The following NUP37 variants were observed in gnomAD, a reference collection of about 807,000 sequenced individuals.
The protein encoded by NUP37 is nucleoporin 37, also known as nucleoporin Nup37.
NUP37 carries 33 observed loss-of-function variants against 45.4 expected under a neutral mutation model. The ratio of observed to expected loss-of-function variants is 0.73; its 90% CI spans 0.55 to 0.97. The LOEUF is 0.97. NUP37 is among the 50% of genes least tolerant of loss of function. The pLI is 0.00. For missense variants in NUP37, 365 were observed against 389.7 expected (o/e 0.94, Z 0.53); for synonymous variants, 127 against 130.7 (o/e 0.97, Z 0.19).
At chr12:102,105,361 C>CA (rs796171528) in intron 3 of NUP37, among the ~76,000 whole-genome samples, 2,959 of 141,472 alleles carry the variant, frequency 0.021, 37 homozygotes, top group African/African-American at 0.026. Context: ...CCCATCTCTA[C>CA]AAAAAAAAAA....
chr12:102,085,836 A>C lies in NUP37; in HGVS notation c.470T>G (p.Val157Gly). 1 of 1,589,286 alleles carries C rather than the reference A, an allele frequency of 6.3e-7. No individual in the cohort carries two copies. The highest frequency in any genetic ancestry group is 8.6e-7 in the Non-Finnish European group (1 of 1,159,354). Residue 157 changes from valine to glycine, a missense_variant, in exon 6 of 10, where the codon GTG (valine) becomes GGG (glycine). Transcript: ENST00000552283. ...HTCRIWNLEG[V>G]QTAHFVLHSP... The stretch of plus-strand genomic sequence containing the variant: ...ATGAAGAACAAAATGAGCTGTTTGC[A>C]CTCCTTCCAAGTTCCAAATCCTAAT...
rs1361107281 is a variant in NUP37 at position 102,077,521 on chromosome 12, A to G, written c.541-18T>C. On this transcript the variant is annotated intron_variant, in intron 6 of 9. Transcript: ENST00000552283. ...ACCATTAGCTGTAAGACAGAAAAAT[A>G]AAAAGAAACTCAATCACTTATCTCA... 3.1e-6 allele frequency: 5 copies of G among 1,599,600 alleles called. No homozygotes were observed. The highest frequency in any genetic ancestry group is 2.7e-5 in the African/African-American group (2 of 74,264).
rs546775665 is a variant in NUP37 at position 102,089,921 on chromosome 12, A to G, written c.450-4065T>C. The stretch of plus-strand genomic sequence containing the variant: ...AGAATGCTGCTGTAAGCCGTCTTGC[A>G]TATGTCTTTTAGTGAATATAGATAC... On this transcript the variant is annotated intron_variant, in intron 5 of 9. Coordinates refer to ENST00000552283, the MANE Select transcript of NUP37 (RefSeq NM_024057.4). 3.3e-5 allele frequency among the ~76,000 whole-genome samples: 5 copies of G among 152,248 alleles called. No homozygotes were observed. The South Asian group carries it at 6.2e-4, about 19-fold the overall frequency.
chr12:102,078,711 T>C (rs1196672323), intron 6 of NUP37, among the ~76,000 whole-genome samples: 1 of 152,204 alleles, frequency 6.6e-6, no homozygotes, highest in Non-Finnish European at 1.5e-5. Flanking sequence ...GTGGGTAAAG[T>C]ACCTCAATGT....
chr12:102,111,593 T>C (rs2136753801), intron 3 of NUP37, among the ~76,000 whole-genome samples: 1 of 152,336 alleles, frequency 6.6e-6, no homozygotes, highest in East Asian at 1.9e-4. Context: ...TAACATATTC[T>C]TGCCCCTGTA....
chr12:102,076,826 A>C lies in NUP37; in HGVS notation c.744T>G (p.Pro248=). 6.2e-7 allele frequency: 1 copy of C among 1,613,352 alleles called. No individual in the cohort carries two copies. The highest frequency in any genetic ancestry group is 8.5e-7 in the Non-Finnish European group (1 of 1,179,486). The stretch of plus-strand genomic sequence containing the variant: ...ATAAGCAGGCTCGATCCATGTGAAC[A>C]GGTCTCTTATTTTGAGGATAACTAA... The part of the protein sequence containing the change: ...TRSSYPQNKR[P]VHMDRACLFR... The change falls in exon 8 of 10, where the codon CCT becomes CCG. Residue 248 remains proline (P), a synonymous_variant. Coordinates refer to ENST00000552283, the MANE Select transcript of NUP37 (RefSeq NM_024057.4).
chr12:102,099,430 T>G (rs1348803129), intron 4 of NUP37, among the ~76,000 whole-genome samples: 3 of 151,720 alleles, frequency 2.0e-5, no homozygotes, highest in African/African-American at 7.3e-5. Context: ...TTAGTCTTTC[T>G]TTTCTAGTAT....
intron 2 of NUP37, among the ~76,000 whole-genome samples, chr12:102,116,433 A>G (rs1880465173): frequency 6.6e-6 from 1 of 152,208 alleles, no homozygotes; most frequent in South Asian, 2.1e-4. Context: ...CAAGTACGTA[A>G]CATTGTCTTA....
chr12:102,108,825 T>C (rs928908868), intron 3 of NUP37, among the ~76,000 whole-genome samples: 6 of 152,316 alleles, frequency 3.9e-5, no homozygotes, highest in African/African-American at 1.2e-4. Flanking sequence ...TCCTCAGTTA[T>C]AGCATAATGA....
At chr12:102,105,039 A>T (rs1880091111) in intron 3 of NUP37, among the ~76,000 whole-genome samples, 1 of 152,208 alleles carries the variant, frequency 6.6e-6, no homozygotes, top group African/African-American at 2.4e-5. Context: ...CAGACACTTT[A>T]ACACTATGAA....
At chr12:102,094,624 A>G (rs1469083235) in intron 5 of NUP37, among the ~76,000 whole-genome samples, 1 of 152,112 alleles carries the variant, frequency 6.6e-6, no homozygotes, top group Non-Finnish European at 1.5e-5. Flanking sequence ...CAAATTTGAT[A>G]AAAATCATTT....
Position 102,073,689 on chromosome 12 carries a change from G to C in NUP37, c.*665C>G, listed in dbSNP as rs1045811959. 6.6e-6 allele frequency: 1 copy of C among 151,792 alleles called. No homozygotes were observed. The highest frequency in any genetic ancestry group is 2.4e-5 in the African/African-American group (1 of 41,310). 9.4% of individuals were successfully genotyped at this position (151,792 alleles called of 1,614,324 possible). On this transcript the variant is annotated 3_prime_UTR_variant, in exon 10 of 10. Transcript: ENST00000552283. ...TACCCTAAGATATTTTTTTCTCCTT[G>C]GATTTTTTTTCTTTTGAGATAGTCT...
chr12:102,101,323 C>T (rs2136741608), intron 3 of NUP37, among the ~76,000 whole-genome samples: 1 of 152,234 alleles, frequency 6.6e-6, no homozygotes, highest in Admixed American at 6.5e-5. Context: ...TTTGAGAACA[C>T]ACAAAAGGTT....
intron 5 of NUP37, among the ~76,000 whole-genome samples, chr12:102,087,317 A>G (rs368255095): frequency 1.8e-4 from 28 of 152,256 alleles, no homozygotes; most frequent in African/African-American, 5.3e-4. Context: ...GCCAAAACAC[A>G]TAACTTCAAA....
chr12:102,103,250 T>TGG, intron 3 of NUP37, among the ~76,000 whole-genome samples: 1 of 152,316 alleles, frequency 6.6e-6, no homozygotes, highest in East Asian at 1.9e-4. Flanking sequence ...TCTTTCCAAT[T>TGG]ATTTGTGCCA....
At chr12:102,076,709 G>T in intron 8 of NUP37, 88 bp downstream of exon 8, 2 of 1,065,840 alleles carry the variant, frequency 1.9e-6, no homozygotes, top group Non-Finnish European at 2.8e-6. Flanking sequence ...AAAATCCAGT[G>T]CAAAGAAGAG....
At chr12:102,094,965 G>T (rs560795229) in intron 5 of NUP37, among the ~76,000 whole-genome samples, 15 of 152,182 alleles carry the variant, frequency 9.9e-5, no homozygotes, top group Admixed American at 2.6e-4. Flanking sequence ...ATGAGGAGGA[G>T]GGATGGGATT....
At chr12:102,105,078 T>C (rs994393934) in intron 3 of NUP37, among the ~76,000 whole-genome samples, 13 of 152,216 alleles carry the variant, frequency 8.5e-5, no homozygotes, top group Admixed American at 6.5e-4. Context: ...ACAGGCTGTC[T>C]TTCTATTTAT....
intron 4 of NUP37, among the ~76,000 whole-genome samples, chr12:102,100,044 G>A (rs1484514298): frequency 2.6e-5 from 4 of 151,718 alleles, no homozygotes; most frequent in African/African-American, 9.7e-5. Flanking sequence ...AACAAACCCA[G>A]GTCCTCCAAA....
Sources: gnomAD v4.1 joint callset for allele counts (sites outside exome capture counted in the v4.1 genomes callset) on GRCh38, gnomAD v4.1.1 for gene constraint, MANE v1.5 for transcripts, NCBI Gene and HGNC (gene_info 2026-07-23, HGNC 2026-07-21) for gene names.